Variants in IQCM observed in about 807,000 individuals in gnomAD.
IQCM encodes the protein IQ domain-containing protein M.
In IQCM, 45 loss-of-function variants were observed where a neutral mutation model predicts 57.6. The observed-to-expected ratio is 0.78, with a 90% CI of 0.62 to 1.00. IQCM has a LOEUF of 1.00. Among genes scored for constraint, IQCM ranks in the 50% least tolerant of loss-of-function variants. IQCM has a pLI of 0.00. For synonymous variants in IQCM, 148 were observed against 158.9 expected (o/e 0.93, Z 0.51); for missense variants, 468 against 511.6 (o/e 0.91, Z 0.82).
chr4:149,495,248 A>T (rs905331681), intron 12 of IQCM, among the ~76,000 whole-genome samples: 5 of 152,134 alleles, frequency 3.3e-5, no homozygotes, highest in African/African-American at 1.2e-4. Flanking sequence ...TAAAAGCTAG[A>T]TCTACTGTGA....
At chr4:149,363,338 T>G (rs1453988692) in intron 13 of IQCM, among the ~76,000 whole-genome samples, 3 of 152,142 alleles carry the variant, frequency 2.0e-5, no homozygotes, top group Non-Finnish European at 4.4e-5. Context: ...GGGGGCAGAC[T>G]GAAGTAGGGT....
intron 7 of IQCM, among the ~76,000 whole-genome samples, chr4:149,670,150 C>T (rs1335055207): frequency 6.6e-6 from 1 of 152,212 alleles, no homozygotes; most frequent in East Asian, 1.9e-4. Flanking sequence ...TCTTTTATTT[C>T]GTTGAGCAGT....
intron 2 of IQCM, among the ~76,000 whole-genome samples, chr4:149,745,200 G>T (rs60322508): frequency 6.6e-6 from 1 of 152,074 alleles, no homozygotes; most frequent in African/African-American, 2.4e-5. Context: ...GAGAATACTC[G>T]TAGTCTGGGG....
At chr4:149,753,875 T>C (rs1347258555) in intron 2 of IQCM, among the ~76,000 whole-genome samples, 1 of 151,044 alleles carries the variant, frequency 6.6e-6, no homozygotes, top group South Asian at 2.1e-4. Flanking sequence ...TATAGAAAAA[T>C]GACATCAATC....
intron 7 of IQCM, among the ~76,000 whole-genome samples, chr4:149,670,679 A>G (rs985953099): frequency 1.3e-5 from 2 of 152,142 alleles, no homozygotes; most frequent in Admixed American, 1.3e-4. Context: ...GAGAGTTTTT[A>G]GCATGAAGTG....
At chr4:149,528,261 C>T (rs1038585766) in intron 12 of IQCM, among the ~76,000 whole-genome samples, 3 of 148,058 alleles carry the variant, frequency 2.0e-5, no homozygotes, top group African/African-American at 7.5e-5. Flanking sequence ...GCTGGGATTA[C>T]AGGCGTGAGC....
At chr4:149,390,360 T>A (rs1731759366) in intron 13 of IQCM, among the ~76,000 whole-genome samples, 1 of 152,004 alleles carries the variant, frequency 6.6e-6, no homozygotes, top group Admixed American at 6.6e-5. Flanking sequence ...TATGAGATTT[T>A]ATCATCTGCA....
intron 13 of IQCM, among the ~76,000 whole-genome samples, chr4:149,411,495 C>T (rs1183940183): frequency 6.6e-6 from 1 of 152,040 alleles, no homozygotes; most frequent in Admixed American, 6.6e-5. Flanking sequence ...TGAAAATTTA[C>T]TTGGCAACAT....
intron 7 of IQCM, among the ~76,000 whole-genome samples, chr4:149,637,069 G>C (rs1487606953): frequency 6.6e-6 from 1 of 150,458 alleles, no homozygotes; most frequent in Non-Finnish European, 1.5e-5. Context: ...CGTGAACCCG[G>C]GAAGCGGAGC....
At chr4:149,767,224 T>C (rs1397845140) in intron 2 of IQCM, among the ~76,000 whole-genome samples, 1 of 151,916 alleles carries the variant, frequency 6.6e-6, no homozygotes, top group Non-Finnish European at 1.5e-5. Flanking sequence ...AAATGGCCAT[T>C]TATTTATTTC....
intron 7 of IQCM, among the ~76,000 whole-genome samples, chr4:149,655,538 T>C (rs1423168590): frequency 6.6e-6 from 1 of 152,184 alleles, no homozygotes; most frequent in Non-Finnish European, 1.5e-5. Flanking sequence ...TCTATTAATG[T>C]GAACAGTGGG....
intron 2 of IQCM, among the ~76,000 whole-genome samples, chr4:149,751,949 T>C (rs1768488714): frequency 6.6e-6 from 1 of 152,110 alleles, no homozygotes; most frequent in Non-Finnish European, 1.5e-5. Flanking sequence ...AGGGACATGA[T>C]ATGCATGGAA....
intron 7 of IQCM, among the ~76,000 whole-genome samples, chr4:149,632,155 A>G (rs1757322635): frequency 6.6e-6 from 1 of 152,244 alleles, no homozygotes. Flanking sequence ...GACTGGGGTC[A>G]GGGGATGACT....
At chr4:149,469,783 A>T (rs567589499) in intron 12 of IQCM, among the ~76,000 whole-genome samples, 103 of 152,346 alleles carry the variant, frequency 6.8e-4, no homozygotes, top group Non-Finnish European at 1.3e-3. Context: ...TCTCGGCAGA[A>T]ACTCTACAAG....
chr4:149,627,585 G>T (rs1428486689), intron 7 of IQCM, among the ~76,000 whole-genome samples: 1 of 152,112 alleles, frequency 6.6e-6, no homozygotes, highest in East Asian at 1.9e-4. Context: ...AACATATTAT[G>T]TCCCTTGGTC....
chr4:149,480,061 A>T (rs1740613421), intron 12 of IQCM, among the ~76,000 whole-genome samples: 1 of 152,244 alleles, frequency 6.6e-6, no homozygotes, highest in African/African-American at 2.4e-5. Flanking sequence ...ATGACTACTG[A>T]CATGTAAAAT....
chr4:149,444,504 A>G, intron 12 of IQCM, among the ~76,000 whole-genome samples: 1 of 151,894 alleles, frequency 6.6e-6, no homozygotes, highest in Non-Finnish European at 1.5e-5. Context: ...GAGCAAGATT[A>G]ATTGCTTGAA....
At chr4:149,714,392 A>G (rs1023806977) in intron 5 of IQCM, among the ~76,000 whole-genome samples, 3 of 152,190 alleles carry the variant, frequency 2.0e-5, no homozygotes, top group Non-Finnish European at 4.4e-5. Context: ...ATTAACTACC[A>G]TCTATAAACT....
chr4:149,456,591 A>G (rs1260404164), intron 12 of IQCM, among the ~76,000 whole-genome samples: 1 of 152,116 alleles, frequency 6.6e-6, no homozygotes, highest in Non-Finnish European at 1.5e-5. Context: ...GATCAGCTGT[A>G]GAATTCTCTA....
Sources: gnomAD v4.1 joint callset for allele counts (sites outside exome capture counted in the v4.1 genomes callset) on GRCh38, gnomAD v4.1.1 for gene constraint, MANE v1.5 for transcripts, NCBI Gene and HGNC (gene_info 2026-07-23, HGNC 2026-07-21) for gene names.